MTRR: variants seen among roughly 807,000 people sequenced by gnomAD.
MTRR encodes the protein methionine synthase reductase.
MTRR carries 63 observed loss-of-function variants against 79.2 expected under a neutral mutation model. The ratio of observed to expected loss-of-function variants is 0.80; its 90% CI spans 0.65 to 0.98. The LOEUF is 0.98. Ranked by LOEUF, MTRR falls within the 50% of genes least tolerant of loss-of-function variation. The pLI is 0.00. For synonymous variants in MTRR, 355 were observed against 313.3 expected (o/e 1.13, Z -1.41); for missense variants, 895 against 839.6 (o/e 1.07, Z -0.82).
rs1491410388 is a variant in MTRR, at chr5:7,887,793, C to CATATATACATATATATATAT, written c.1146+1097_1146+1098insCATATATATATATATATATA. ...GTATATATTTGTGTGTGTGTGTGTG[C>CATATATACATATATATATAT]ATATATATATATATATATATATATA... is the stretch of plus-strand genomic sequence containing the variant. On this transcript the variant is annotated intron_variant, in intron 8 of 14. Transcript: ENST00000440940. Among the ~76,000 whole-genome samples, 220 of 91,990 alleles carry CATATATACATATATATATAT rather than the reference C, an allele frequency of 2.4e-3. 14 individuals carry two copies. Among genetic ancestry groups the CATATATACATATATATATAT allele is most frequent in the African/African-American group, 4.4e-3 (80 of 18,250 alleles). 60.3% of individuals were successfully genotyped at this position (91,990 alleles called of 152,430 possible). A position where few individuals can be genotyped will look rare whatever the true frequency, so the allele number is the denominator to read the frequency against.
Position 7,885,806 on chromosome 5 carries a change from A to C in MTRR, c.1009A>C (p.Arg337=). ...LLQRLQLEDK[R]EHCVLLKIKA... ...CCAAAGACTGCAGCTTGAAGATAAA[A>C]GAGAGCACTGCGTCCTTTTGAAAAT... Residue 337 remains arginine (R), a synonymous_variant, in exon 7 of 15, where the codon AGA becomes CGA. Transcript: ENST00000440940. 6.2e-7 allele frequency: 1 copy of C among 1,614,178 alleles called. No individual in the cohort carries two copies. Among genetic ancestry groups the C allele is most frequent in the Non-Finnish European group, 8.5e-7 (1 of 1,180,020 alleles).
chr5:7,900,300 C>A lies in MTRR; in HGVS notation c.*242C>A. 2.0e-6 allele frequency: 1 copy of A among 495,108 alleles called. No homozygotes were observed. Among genetic ancestry groups the A allele is most frequent in the East Asian group, 3.8e-5 (1 of 26,030 alleles). 30.7% of individuals were successfully genotyped at this position (495,108 alleles called of 1,614,324 possible). ...CCCCAAATTGCCCTGTTGCCTTGAGCTCTTCTGAGCTAAGGCAGCCTTCAG... is the reference window on the plus strand; with the variant it reads ...CCCCAAATTGCCCTGTTGCCTTGAGATCTTCTGAGCTAAGGCAGCCTTCAG... On this transcript the variant is annotated 3_prime_UTR_variant, in exon 15 of 15. Transcript: ENST00000440940.
At chr5:7,858,745 G>A (rs553013434) in intron 1 of MTRR, among the ~76,000 whole-genome samples, 2 of 151,726 alleles carry the variant, frequency 1.3e-5, no homozygotes, top group Non-Finnish European at 2.9e-5. Flanking sequence ...TACTCCAGTC[G>A]GCTCTCTTGT....
chr5:7,894,244 A>C (rs1407991874), intron 11 of MTRR, among the ~76,000 whole-genome samples: 1 of 152,244 alleles, frequency 6.6e-6, no homozygotes, highest in Non-Finnish European at 1.5e-5. Flanking sequence ...GTTTTATTAC[A>C]AATTATACAG....
At chr5:7,854,366 A>T (rs949653790) in intron 1 of MTRR, among the ~76,000 whole-genome samples, 20 of 151,470 alleles carry the variant, frequency 1.3e-4, no homozygotes, top group Admixed American at 2.6e-4. Flanking sequence ...TATTATATAT[A>T]TTTTTTTATA....
chr5:7,861,545 G>A lies in MTRR; in HGVS notation n.392-406G>A, dbSNP rs373101040. On this transcript the variant is annotated intron_variant and non_coding_transcript_variant, in intron 1 of 3. Transcript: ENST00000502509. ...GATACCGCTGCTTATTAGCCTCAACGAGTCTTGTAATGTGAAAAACACAAC... is the reference window on the plus strand; with the variant it reads ...GATACCGCTGCTTATTAGCCTCAACAAGTCTTGTAATGTGAAAAACACAAC... 53 of 1,405,808 alleles carry A rather than the reference G, an allele frequency of 3.8e-5. No individual in the cohort carries two copies. The Admixed American group carries it at 1.0e-3, about 27-fold the overall frequency. The allele number at this position is 1,405,808 out of a possible 1,614,324, so 87.1% of individuals were successfully genotyped here. A position where few individuals can be genotyped will look rare whatever the true frequency, so the allele number is the denominator to read the frequency against.
intron 5 of MTRR, 27 bp from the exon 6 acceptor site, chr5:7,883,128 T>TA (rs764147740): frequency 3.0e-5 from 49 of 1,613,986 alleles, no homozygotes; most frequent in Non-Finnish European, 3.9e-5. Context: ...AAATTGCACT[T>TA]ACGTTTTGTC....
At chr5:7,887,793 C>CATACATATATAT (rs1736807285) in intron 8 of MTRR, among the ~76,000 whole-genome samples, 1 of 92,052 alleles carries the variant, frequency 1.1e-5, no homozygotes, top group Non-Finnish European at 2.0e-5. Context: ...TGTGTGTGTG[C>CATACATATATAT]ATATATATAT....
Position 7,870,758 on chromosome 5 carries a change from C to G in MTRR, c.-25-12C>G. 6.2e-7 allele frequency: 1 copy of G among 1,613,928 alleles called. No homozygotes were observed. Among genetic ancestry groups the G allele is most frequent in the Non-Finnish European group, 8.5e-7 (1 of 1,179,926 alleles). On this transcript the variant is annotated splice_polypyrimidine_tract_variant and intron_variant, in intron 1 of 14. Coordinates refer to ENST00000440940, the MANE Select transcript of MTRR (RefSeq NM_002454.3). ...TCATTAAAAAGAGGATCTTTTTTCC[C>G]CCATTTTTCAGTTTCACTGTTACAT...
chr5:7,877,850 C>A, intron 4 of MTRR, 94 bp from the exon 5 acceptor site: 1 of 1,559,614 alleles, frequency 6.4e-7, no homozygotes. Flanking sequence ...CAAGTGCATA[C>A]TTTGCCAAAT....
rs749980028 is a variant in MTRR at position 7,870,937 on chromosome 5, C to G, written c.129+14C>G. The G allele has an allele frequency of 2.5e-6, 4 of 1,614,002 alleles. No homozygotes were observed. Among genetic ancestry groups the G allele is most frequent in the East Asian group, 4.5e-5 (2 of 44,882 alleles). On this transcript the variant is annotated intron_variant, in intron 2 of 14. Coordinates refer to ENST00000440940, the MANE Select transcript of MTRR (RefSeq NM_002454.3). ...GAATCCGATAAGGTTAGAGCCGTTA[C>G]AGTGGATTTTACCGTTTTGTGCTTT...
chr5:7,891,289 A>AT (rs71591748), intron 9 of MTRR, 83 bp from the exon 10 acceptor site: 63,563 of 361,920 alleles, frequency 0.18, 8,073 homozygotes, highest in Non-Finnish European at 0.22. Flanking sequence ...AAGACATGGA[A>AT]TTTTTTTTTT....
chr5:7,879,869 A>G (rs1344441332), intron 5 of MTRR, among the ~76,000 whole-genome samples: 1 of 152,132 alleles, frequency 6.6e-6, no homozygotes, highest in East Asian at 1.9e-4. Flanking sequence ...TGTCACTTGG[A>G]TCTGCTGTAG....
intron 5 of MTRR, among the ~76,000 whole-genome samples, chr5:7,879,056 C>T (rs1273409999): frequency 6.6e-6 from 1 of 152,070 alleles, no homozygotes; most frequent in African/African-American, 2.4e-5. Context: ...TTGTAAACAC[C>T]TGGTATGATA....
At position 7,892,230 on chromosome 5, in the gene MTRR, T is replaced by C. The variant is rs143825261; in HGVS notation, c.1371-497T>C. ...AAGAATGAACTCAAGTTCTTTCGCA[T>C]TATTTACCGTGTAATGTGAAAAGAA... On this transcript the variant is annotated intron_variant, in intron 10 of 14. Coordinates refer to ENST00000440940, the MANE Select transcript of MTRR (RefSeq NM_002454.3). 8.4e-4 allele frequency among the ~76,000 whole-genome samples: 128 copies of C among 152,314 alleles called. 4 individuals carry two copies. The East Asian group carries it at 0.024, about 28-fold the overall frequency.
chr5:7,894,626 G>C (rs923038481), intron 11 of MTRR, among the ~76,000 whole-genome samples: 1 of 152,214 alleles, frequency 6.6e-6, no homozygotes, highest in Non-Finnish European at 1.5e-5. Flanking sequence ...AGGTCTCATT[G>C]TAGACATGGG....
At chr5:7,869,586 C>T (rs1018294367) in intron 1 of MTRR, 4 of 264,126 alleles carry the variant, frequency 1.5e-5, no homozygotes, top group South Asian at 1.1e-4. Flanking sequence ...CTCCGGGGAA[C>T]CCGGGACGTT....
At position 7,870,860 on chromosome 5, in the gene MTRR, A is replaced by G. The variant is rs1801394; in HGVS notation, c.66A>G (p.Ile22Met). ...QGQAKAIAEE[I>M]CEQAVVHGFS... ...AGGCAAAGGCCATCGCAGAAGAAAT[A>G]TGTGAGCAAGCTGTGGTACATGGAT... The change falls in exon 2 of 15, where the codon ATA (isoleucine) becomes ATG (methionine). Residue 22 changes from isoleucine to methionine, a missense_variant. By Grantham distance (10) the Ile-to-Met change is conservative. Coordinates refer to ENST00000440940, the MANE Select transcript of MTRR (RefSeq NM_002454.3). The G allele has an allele frequency of 0.52, 846,433 of 1,613,968 alleles. 229,509 individuals are homozygous for G. The highest frequency in any genetic ancestry group is 0.56 in the Non-Finnish European group (663,046 of 1,179,932).
exon 1 of MTRR, chr5:7,851,335 A>T (rs1746074847): frequency 3.5e-6 from 1 of 281,714 alleles, no homozygotes; most frequent in African/African-American, 2.2e-5. Context: ...CACCTTTCCC[A>T]TGCAGCAGCC....
Sources: allele counts gnomAD v4.1 joint callset (sites outside exome capture counted in the v4.1 genomes callset), GRCh38; gene constraint gnomAD v4.1.1; transcripts MANE v1.5; gene names NCBI Gene and HGNC (gene_info 2026-07-23, HGNC 2026-07-21).